The following EXD3 variants were observed in gnomAD, a reference collection of about 807,000 sequenced individuals.
EXD3 encodes the protein exonuclease mut-7 homolog.
A neutral mutation model predicts 98.0 loss-of-function variants in EXD3; 92 were observed. The observed-to-expected ratio is 0.94, with a 90% CI of 0.79 to 1.12. The LOEUF (loss-of-function observed/expected upper bound fraction) is 1.12. Among genes scored for constraint, EXD3 ranks in the 50% most tolerant of loss-of-function variants. EXD3 has a pLI of 0.00. For missense variants in EXD3, 1,222 were observed against 1,191.6 expected, an observed-to-expected ratio of 1.03 and a Z score of -0.38; for synonymous variants, 569 against 526.0, an observed-to-expected ratio of 1.08 and a Z score of -1.12.
chr9:137,420,692 AT>A (rs1379322125), intron 1 of EXD3, among the ~76,000 whole-genome samples: 1 of 150,034 alleles, frequency 6.7e-6, no homozygotes, highest in East Asian at 2.0e-4. Context: ...TTTCCGACAG[AT>A]CCAGGAACTT....
In EXD3 at chr9:137,354,198, C is replaced by A; in HGVS notation, c.870+141G>T. On this transcript the variant is annotated intron_variant, in intron 10 of 21. Transcript: ENST00000340951. The stretch of plus-strand genomic sequence containing the variant: ...ACCCTACACCCGCCTGCCAGCCACA[C>A]GCCCCAACATGGGGTCTGGGCTCAG... The A allele has an allele frequency of 2.1e-6, 3 of 1,454,882 alleles. No individual in the cohort carries two copies. The South Asian group carries it at 3.9e-5, about 19-fold the overall frequency. 90.1% of individuals were successfully genotyped at this position (1,454,882 alleles called of 1,614,324 possible). A position where few individuals can be genotyped will look rare whatever the true frequency, so the allele number is the denominator to read the frequency against.
intron 7 of EXD3, chr9:137,365,898 C>T (rs1054871182): frequency 6.3e-5 from 25 of 394,276 alleles, no homozygotes; most frequent in Non-Finnish European, 1.1e-4. Context: ...CCTGCAGGCA[C>T]ACACATACAT....
At chr9:137,318,894 G>A (rs548186439) in intron 19 of EXD3, among the ~76,000 whole-genome samples, 57 of 152,362 alleles carry the variant, frequency 3.7e-4, no homozygotes, top group African/African-American at 1.3e-3. Context: ...AGCCATGAGC[G>A]CTGTTGCTCA....
At chr9:137,383,717 G>T (rs758722819) in intron 2 of EXD3, among the ~76,000 whole-genome samples, 9 of 152,190 alleles carry the variant, frequency 5.9e-5, no homozygotes, top group Non-Finnish European at 1.0e-4. Context: ...TCCGCCTGGC[G>T]CCCTCGGCAA....
At position 137,382,075 on chromosome 9, in the gene EXD3, C is replaced by CGCGGTGGAGGTCAGGGCG. The variant is rs1564194645; in HGVS notation, c.120+1220_120+1237dup. Among the ~76,000 whole-genome samples, 146 of 98,044 alleles carry CGCGGTGGAGGTCAGGGCG rather than the reference C, an allele frequency of 1.5e-3. 3 individuals are homozygous for CGCGGTGGAGGTCAGGGCG. The highest frequency in any genetic ancestry group is 0.014 in the Middle Eastern group (2 of 146). 64.3% of individuals were successfully genotyped at this position (98,044 alleles called of 152,430 possible). On this transcript the variant is annotated intron_variant, in intron 3 of 21. Coordinates refer to ENST00000340951, the MANE Select transcript of EXD3 (RefSeq NM_017820.5). ...AGGGCGCGCGGAGGAGGTGAGGGCG[C>CGCGGTGGAGGTCAGGGCG]GCGGTGGAGGTCAGGGCGGCGGTGG...
At position 137,383,716 on chromosome 9, in the gene EXD3, C is replaced by A. The variant is rs368360376; in HGVS notation, c.56-339G>T. The stretch of plus-strand genomic sequence containing the variant: ...CTGAGCCTCTACCTGCTCCGCCTGG[C>A]GCCCTCGGCAACCTCATCAGCATCT... On this transcript the variant is annotated intron_variant, in intron 2 of 21. Transcript: ENST00000340951. Among the ~76,000 whole-genome samples, 49 of 152,338 alleles carry A rather than the reference C, an allele frequency of 3.2e-4. No individual in the cohort carries two copies. In the East Asian group the frequency reaches 6.4e-3, roughly 20 times the overall value.
intron 5 of EXD3, among the ~76,000 whole-genome samples, chr9:137,369,259 G>T (rs530466611): frequency 3.0e-4 from 45 of 152,050 alleles, no homozygotes; most frequent in African/African-American, 1.1e-3. Flanking sequence ...GAGCATGGGC[G>T]CAGGGGCCAC....
chr9:137,362,338 G>A lies in EXD3; in HGVS notation c.656+4155C>T, dbSNP rs138315500. 1.6e-4 allele frequency among the ~76,000 whole-genome samples: 24 copies of A among 152,296 alleles called. No homozygotes were observed. The East Asian group carries it at 4.6e-3, about 29-fold the overall frequency. On this transcript the variant is annotated intron_variant, in intron 7 of 21. Transcript: ENST00000340951. Reference sequence around the variant, plus strand: ...GTCAAGTGCAGTCCATCCCAAAAATGTAAGGTTGGTTTAACATAGAAACAT... The same window carrying A: ...GTCAAGTGCAGTCCATCCCAAAAATATAAGGTTGGTTTAACATAGAAACAT...
chr9:137,387,672 C>T (rs964003154), intron 2 of EXD3, among the ~76,000 whole-genome samples: 28 of 152,300 alleles, frequency 1.8e-4, no homozygotes, highest in South Asian at 4.1e-4. Context: ...AGGGATACCA[C>T]GCAGGGGCAC....
chr9:137,394,971 G>C (rs1375728096), intron 2 of EXD3, among the ~76,000 whole-genome samples: 1 of 152,054 alleles, frequency 6.6e-6, no homozygotes, highest in Non-Finnish European at 1.5e-5. Flanking sequence ...AGGGACAGAG[G>C]GGACCAGAGC....
chr9:137,352,884 G>C, intron 10 of EXD3, 98 bp from the exon 11 acceptor site: 1 of 1,468,852 alleles, frequency 6.8e-7, no homozygotes, highest in Non-Finnish European at 9.0e-7. Flanking sequence ...TTGCAGACTG[G>C]CTATGAGCAC....
chr9:137,398,718 C>T (rs1471605664), intron 1 of EXD3, among the ~76,000 whole-genome samples: 3 of 108,864 alleles, frequency 2.8e-5, no homozygotes, highest in African/African-American at 9.4e-5. Context: ...CGTGCACCCG[C>T]ATCCCCAAGA....
chr9:137,384,130 C>T (rs950884389), intron 2 of EXD3, among the ~76,000 whole-genome samples: 2 of 152,216 alleles, frequency 1.3e-5, no homozygotes, highest in Admixed American at 6.5e-5. Flanking sequence ...CAGTGAACTC[C>T]CCCTGGACCT....
chr9:137,382,730 G>T (rs758924854), intron 3 of EXD3, among the ~76,000 whole-genome samples: 1 of 151,976 alleles, frequency 6.6e-6, no homozygotes, highest in East Asian at 1.9e-4. Flanking sequence ...GTTGGAGGGC[G>T]TCCCCCGGAC....
At chr9:137,364,534 A>C (rs1313806023) in intron 7 of EXD3, among the ~76,000 whole-genome samples, 1 of 151,800 alleles carries the variant, frequency 6.6e-6, no homozygotes, top group Non-Finnish European at 1.5e-5. Context: ...AGACAGGAGA[A>C]TCACTTGAAC....
chr9:137,309,779 G>A lies in EXD3; in HGVS notation c.2185-79C>T, dbSNP rs866861110. The A allele has an allele frequency of 1.7e-5, 18 of 1,074,666 alleles. 1 individual carries two copies. In the Middle Eastern group the frequency reaches 1.7e-3, roughly 99 times the overall value. The allele number at this position is 1,074,666 out of a possible 1,614,324, so 66.6% of individuals were successfully genotyped here. ...TACCCCAGCCCTCTGCTCGCTCCTC[G>A]AAGCTCTGGGTCTGGCCATGGGGTT... On this transcript the variant is annotated intron_variant, in intron 19 of 21. Coordinates refer to ENST00000340951, the MANE Select transcript of EXD3 (RefSeq NM_017820.5).
chr9:137,330,111 CACAGGAGCTA>C (rs1832935357), intron 17 of EXD3, among the ~76,000 whole-genome samples: 1 of 56,844 alleles, frequency 1.8e-5, no homozygotes, highest in East Asian at 8.0e-4. Context: ...ACAGGAGCTA[CACAGGAGCTA>C]CACAGGAGCT....
chr9:137,410,131 G>A (rs926718646), intron 1 of EXD3, among the ~76,000 whole-genome samples: 1 of 152,054 alleles, frequency 6.6e-6, no homozygotes, highest in Non-Finnish European at 1.5e-5. Context: ...AGCCGAGACC[G>A]TGCCACTACA....
intron 1 of EXD3, among the ~76,000 whole-genome samples, chr9:137,409,708 T>C (rs1837902868): frequency 1.3e-5 from 2 of 152,182 alleles, no homozygotes; most frequent in South Asian, 2.1e-4. Context: ...TCACATTCCC[T>C]CGCTGCACAC....
Sources: allele counts gnomAD v4.1 joint callset (sites outside exome capture counted in the v4.1 genomes callset), GRCh38; gene constraint gnomAD v4.1.1; transcripts MANE v1.5; gene names NCBI Gene and HGNC (gene_info 2026-07-23, HGNC 2026-07-21).